The following PCDH15 variants were observed in gnomAD, a reference collection of about 807,000 sequenced individuals.
The protein encoded by PCDH15 is protocadherin related 15, also known as protocadherin-15.
Under a neutral mutation model 178.5 loss-of-function variants are expected in PCDH15, and 129 were observed. That is an observed-to-expected ratio of 0.72 (90% CI 0.63 to 0.84). The LOEUF (loss-of-function observed/expected upper bound fraction) is 0.84. Ranked by LOEUF, PCDH15 falls within the 40% of genes least tolerant of loss-of-function variation. PCDH15 has a pLI of 0.00. For missense variants in PCDH15, 2,230 were observed against 2,099.9 expected (o/e 1.06, Z -1.21); for synonymous variants, 800 against 732.0 (o/e 1.09, Z -1.50).
chr10:55,225,192 G>A lies in PCDH15; in HGVS notation c.-155-58541C>T, dbSNP rs148492875. ...AAATAACACTTAGTAACAAAAGTACGTAACAAATAAATGAACAAGCAACAT... is the reference window on the plus strand; with the variant it reads ...AAATAACACTTAGTAACAAAAGTACATAACAAATAAATGAACAAGCAACAT... On this transcript the variant is annotated intron_variant, in intron 1 of 5. Coordinates refer to the PCDH15 transcript ENST00000458638. Among the ~76,000 whole-genome samples the A allele has an allele frequency of 4.0e-4, 60 of 151,864 alleles. 1 individual carries two copies. Among genetic ancestry groups the A allele is most frequent in the African/African-American group, 1.3e-3 (53 of 41,360 alleles).
intron 2 of PCDH15, among the ~76,000 whole-genome samples, chr10:54,594,685 A>G (rs1356756770): frequency 1.3e-5 from 2 of 152,220 alleles, no homozygotes. Flanking sequence ...GTTTGCAGAC[A>G]GACCTAGCCT....
chr10:53,831,098 A>G, intron 30 of PCDH15: 1 of 755,128 alleles, frequency 1.3e-6, no homozygotes, highest in Non-Finnish European at 2.4e-6. Context: ...CCGAATTAGA[A>G]TCACAGGAAT....
At chr10:53,888,355 TATAC>T in intron 26 of PCDH15, among the ~76,000 whole-genome samples, 1 of 68,078 alleles carries the variant, frequency 1.5e-5, no homozygotes, top group Non-Finnish European at 3.0e-5. Flanking sequence ...TATACGTATA[TATAC>T]ATATATATAT....
intron 2 of PCDH15, among the ~76,000 whole-genome samples, chr10:55,595,443 A>G (rs1041136332): frequency 6.6e-6 from 1 of 152,072 alleles, no homozygotes; most frequent in Non-Finnish European, 1.5e-5. Context: ...GCTGCACATT[A>G]ATAGAAACTG....
chr10:54,762,230 G>C (rs1947969251), intron 1 of PCDH15, among the ~76,000 whole-genome samples: 1 of 151,992 alleles, frequency 6.6e-6, no homozygotes, highest in African/African-American at 2.4e-5. Context: ...ATGCTAATTA[G>C]GGTGAAATTC....
intron 2 of PCDH15, among the ~76,000 whole-genome samples, chr10:55,511,999 G>A (rs567160340): frequency 6.5e-4 from 98 of 151,924 alleles, no homozygotes; most frequent in Non-Finnish European, 1.1e-3. Flanking sequence ...TCTTATTAAT[G>A]CCTAATATCA....
chr10:55,029,877 A>C (rs1380279308), intron 2 of PCDH15, among the ~76,000 whole-genome samples: 4 of 152,178 alleles, frequency 2.6e-5, no homozygotes, highest in Admixed American at 2.6e-4. Flanking sequence ...CTTGACTCTG[A>C]GAAAGAAAAG....
At chr10:54,357,642 T>C (rs1945248835) in intron 5 of PCDH15, among the ~76,000 whole-genome samples, 1 of 152,160 alleles carries the variant, frequency 6.6e-6, no homozygotes, top group African/African-American at 2.4e-5. Flanking sequence ...ATGACTTTCT[T>C]CACAGAATTG....
chr10:55,246,698 TAA>T (rs1841688345), intron 1 of PCDH15, among the ~76,000 whole-genome samples: 1 of 152,038 alleles, frequency 6.6e-6, no homozygotes, highest in Non-Finnish European at 1.5e-5. Flanking sequence ...GTCTTATTCA[TAA>T]AAGTTAGAGA....
At chr10:53,963,943 T>C (rs1047707394) in intron 21 of PCDH15, among the ~76,000 whole-genome samples, 4 of 152,190 alleles carry the variant, frequency 2.6e-5, no homozygotes, top group African/African-American at 4.8e-5. Context: ...AAAAAATAAA[T>C]ACAAAGTTGT....
intron 3 of PCDH15, among the ~76,000 whole-genome samples, chr10:54,456,518 G>T (rs1030413380): frequency 6.6e-6 from 1 of 152,132 alleles, no homozygotes; most frequent in Non-Finnish European, 1.5e-5. Context: ...ACTCACTTTT[G>T]ATTTCACACG....
chr10:55,436,965 A>T (rs1839056140), intron 2 of PCDH15, among the ~76,000 whole-genome samples: 3 of 152,176 alleles, frequency 2.0e-5, no homozygotes, highest in Non-Finnish European at 4.4e-5. Context: ...TAATTTCTGA[A>T]TTCTGTAGAT....
At chr10:53,947,094 T>C (rs1391990283) in intron 23 of PCDH15, among the ~76,000 whole-genome samples, 1 of 152,166 alleles carries the variant, frequency 6.6e-6, no homozygotes, top group East Asian at 1.9e-4. Flanking sequence ...CCTTTTAATA[T>C]TTCTAAGTGT....
chr10:54,987,788 A>AT (rs945721543), intron 2 of PCDH15, among the ~76,000 whole-genome samples: 1 of 150,254 alleles, frequency 6.7e-6, no homozygotes, highest in Non-Finnish European at 1.5e-5. Context: ...AGATTGCAAA[A>AT]TTTTTTTTCC....
intron 2 of PCDH15, among the ~76,000 whole-genome samples, chr10:54,999,707 G>A (rs1412457232): frequency 1.3e-5 from 2 of 152,180 alleles, no homozygotes; most frequent in Admixed American, 6.5e-5. Flanking sequence ...CGATATCGGG[G>A]AAAATTCAGC....
rs1589064235 is a variant in PCDH15 at position 54,367,729 on chromosome 10, C to T, written c.474+1391G>A. Among the ~76,000 whole-genome samples the T allele has an allele frequency of 4.6e-5, 7 of 151,780 alleles. No homozygotes were observed. The South Asian group carries it at 1.5e-3, about 32-fold the overall frequency. The stretch of plus-strand genomic sequence containing the variant: ...GTAGATGATGGGTTGATGGGTGCAG[C>T]AAACCACCATGGCACGTGTATACCT... On this transcript the variant is annotated intron_variant, in intron 5 of 37. Coordinates refer to ENST00000644397, the MANE Select transcript of PCDH15 (RefSeq NM_001384140.1).
intron 2 of PCDH15, among the ~76,000 whole-genome samples, chr10:54,653,462 T>C (rs1330749924): frequency 6.6e-6 from 1 of 152,214 alleles, no homozygotes; most frequent in Non-Finnish European, 1.5e-5. Context: ...ACCACCACAT[T>C]CTACTGCTTC....
intron 21 of PCDH15, among the ~76,000 whole-genome samples, chr10:53,980,801 T>C (rs2090574592): frequency 6.6e-6 from 1 of 152,082 alleles, no homozygotes; most frequent in Admixed American, 6.6e-5. Flanking sequence ...TACTCTAGAG[T>C]GCCCAAACCT....
chr10:55,368,679 CA>C (rs1845423589), intron 2 of PCDH15, among the ~76,000 whole-genome samples: 1 of 152,104 alleles, frequency 6.6e-6, no homozygotes, highest in Non-Finnish European at 1.5e-5. Flanking sequence ...CATATCTACA[CA>C]GTAAGACTTA....
Sources: allele counts gnomAD v4.1 joint callset (sites outside exome capture counted in the v4.1 genomes callset), GRCh38; gene constraint gnomAD v4.1.1; transcripts MANE v1.5; gene names NCBI Gene and HGNC (gene_info 2026-07-23, HGNC 2026-07-21).